The following MACF1 variants were observed in gnomAD, a reference collection of about 807,000 sequenced individuals.
The protein encoded by MACF1 is microtubule-actin cross-linking factor 1.
MACF1 carries 193 observed loss-of-function variants against 854.8 expected under a neutral mutation model. The observed-to-expected ratio is 0.23, with a 90% CI of 0.20 to 0.25. MACF1 has a LOEUF of 0.25. Ranked by LOEUF, MACF1 falls within the 10% of genes least tolerant of loss-of-function variation. The probability of loss-of-function intolerance (pLI) is 1.00; values close to 1 mark genes in which losing one functional copy is unlikely to be tolerated. For missense variants in MACF1, 7,722 were observed against 8,929.1 expected (o/e 0.86, Z 5.45); for synonymous variants, 3,185 against 3,226.7 (o/e 0.99, Z 0.44).
At chr1:39,470,522 T>C (rs916215248) in intron 97 of MACF1, among the ~76,000 whole-genome samples, 8 of 152,194 alleles carry the variant, frequency 5.3e-5, no homozygotes, top group African/African-American at 1.9e-4. Context: ...TACACACCTG[T>C]GTAGTCCTAA....
Position 39,441,107 on chromosome 1 carries a change from G to A in MACF1, c.18552G>A (p.Val6184=), listed in dbSNP as rs1312663635. Residue 6184 remains valine (V), a synonymous_variant, in exon 73 of 101, where the codon GTG becomes GTA. Transcript: ENST00000564288. ...FACGETEKPE[V]RKSIDEMNNA... ...GTGGAGAAACTGAGAAGCCTGAAGT[G>A]AGGAAGAGCATTGATGAGGTGTGGA... The A allele has an allele frequency of 6.2e-7, 1 of 1,614,226 alleles. No homozygotes were observed. The highest frequency in any genetic ancestry group is 1.7e-5 in the Admixed American group (1 of 60,020).
At chr1:39,201,020 G>C (rs1337464654), upstream of MACF1, among the ~76,000 whole-genome samples, 3 of 152,168 alleles carry the variant, frequency 2.0e-5, no homozygotes, top group African/African-American at 7.2e-5. Context: ...GACAGCCACA[G>C]CCACCAATGA....
intron 58 of MACF1, chr1:39,410,564 A>T: frequency 6.2e-7 from 1 of 1,614,048 alleles, no homozygotes; most frequent in Non-Finnish European, 8.5e-7. Flanking sequence ...ATAATATTTG[A>T]TGCACTAAAG....
chr1:39,382,871 A>G (rs1263518129), intron 56 of MACF1, among the ~76,000 whole-genome samples: 1 of 152,094 alleles, frequency 6.6e-6, no homozygotes, highest in Non-Finnish European at 1.5e-5. Flanking sequence ...CTATAATCCT[A>G]GCACTTTGGG....
chr1:39,382,235 C>G lies in MACF1; in HGVS notation c.13848+83C>G. 4 of 1,288,046 alleles carry G rather than the reference C, an allele frequency of 3.1e-6. No individual in the cohort carries two copies. In the South Asian group the frequency reaches 5.2e-5, roughly 17 times the overall value. 79.8% of individuals were successfully genotyped at this position (1,288,046 alleles called of 1,614,324 possible). Reference sequence around the variant, plus strand: ...TCCCAGTAAGTAGATTTCATGTGATCCTGGACAAGTCATTTAATCTCTCAG... The same window carrying G: ...TCCCAGTAAGTAGATTTCATGTGATGCTGGACAAGTCATTTAATCTCTCAG... On this transcript the variant is annotated intron_variant, in intron 56 of 100. Coordinates refer to ENST00000564288, the MANE Select transcript of MACF1 (RefSeq NM_001394062.1).
At chr1:39,259,629 T>C (rs1645136164) in intron 6 of MACF1, among the ~76,000 whole-genome samples, 1 of 152,034 alleles carries the variant, frequency 6.6e-6, no homozygotes, top group Non-Finnish European at 1.5e-5. Context: ...TTCTTTCTTT[T>C]TTTGTTTTTT....
In MACF1 at chr1:39,380,377, A is replaced by G. The variant is rs755437922; in HGVS notation, c.13648+4A>G. On this transcript the variant is annotated splice_donor_region_variant and intron_variant, in intron 55 of 100. Coordinates refer to ENST00000564288, the MANE Select transcript of MACF1 (RefSeq NM_001394062.1). ...AAGAAAATTCAGGAAGAACTCAGTA[A>G]GTTTTCACAAGAGTGTTACAAATTT... 1.2e-6 allele frequency: 2 copies of G among 1,610,814 alleles called. No individual in the cohort carries two copies. Among genetic ancestry groups the G allele is most frequent in the Non-Finnish European group, 1.7e-6 (2 of 1,178,898 alleles).
At position 39,388,364 on chromosome 1, in the gene MACF1, A is replaced by G; in HGVS notation, c.15522A>G (p.Leu5174=). Residue 5174 remains leucine (L), a synonymous_variant, in exon 58 of 101, where the codon TTA becomes TTG. Transcript: ENST00000564288. ...LFLNKIHVLK[L]DIEASEAECR... ...TTAACAAAATTCACGTCCTCAAATT[A>G]GACATAGAGGCCTCTGAAGCAGAGT... 6.2e-7 allele frequency: 1 copy of G among 1,614,142 alleles called. No individual in the cohort carries two copies. The highest frequency in any genetic ancestry group is 1.3e-5 in the African/African-American group (1 of 75,042).
intron 2 of MACF1, among the ~76,000 whole-genome samples, chr1:39,108,502 G>A (rs1642305645): frequency 6.7e-6 from 1 of 150,126 alleles, no homozygotes. Context: ...GGTGACATGA[G>A]AGGGTTTTTT....
Position 39,297,681 on chromosome 1 carries a change from G to T in MACF1, c.2417G>T (p.Arg806Leu). Reference sequence around the variant, plus strand: ...AGGAACCTCCAAGATTCCATTAAACGAAAATATTCCTGTGACCACAACACC... The same window carrying T: ...AGGAACCTCCAAGATTCCATTAAACTAAAATATTCCTGTGACCACAACACC... ...FLRNLQDSIK[R>L]KYSCDHNTSL... Residue 806 changes from arginine to leucine, a missense_variant, in exon 21 of 101, where the codon CGA becomes CTA. Arg to Leu is a moderately radical substitution (Grantham distance 102, BLOSUM62 -2). This residue lies in a region of MACF1 where 1,137 missense variants were observed against 1,263.0 expected (regional missense o/e 0.90). Transcript: ENST00000564288. 6.2e-7 allele frequency: 1 copy of T among 1,614,142 alleles called. No homozygotes were observed. The highest frequency in any genetic ancestry group is 8.5e-7 in the Non-Finnish European group (1 of 1,180,022).
chr1:39,154,981 G>A (rs1643654747), intron 2 of MACF1, among the ~76,000 whole-genome samples: 1 of 152,132 alleles, frequency 6.6e-6, no homozygotes, highest in South Asian at 2.1e-4. Context: ...TGGAACTTAG[G>A]GCAGAATCTC....
At chr1:39,425,341 G>C (rs1415254661) in intron 61 of MACF1, among the ~76,000 whole-genome samples, 1 of 151,818 alleles carries the variant, frequency 6.6e-6, no homozygotes, top group Non-Finnish European at 1.5e-5. Context: ...ACTAACCCTG[G>C]GGCCTTCCCC....
chr1:39,451,234 A>C (rs1025260559), intron 85 of MACF1, 23 bp downstream of exon 85: 1 of 1,607,564 alleles, frequency 6.2e-7, no homozygotes, highest in African/African-American at 1.3e-5. Context: ...TCTGGGCTAC[A>C]TTGGAGTGCA....
intron 26 of MACF1, among the ~76,000 whole-genome samples, chr1:39,312,749 C>A (rs545837651): frequency 2.6e-5 from 4 of 151,594 alleles, no homozygotes; most frequent in Admixed American, 6.6e-5. Flanking sequence ...CACTTGAACC[C>A]GGGAGGTGGA....
At chr1:39,368,002 T>A in intron 49 of MACF1, 146 bp from the exon 50 acceptor site, 2 of 560,830 alleles carry the variant, frequency 3.6e-6, no homozygotes, top group Non-Finnish European at 2.8e-6. Flanking sequence ...AATGTTTGTT[T>A]GTTTTTTTTA....
intron 2 of MACF1, among the ~76,000 whole-genome samples, chr1:39,173,948 G>A (rs1340432682): frequency 6.6e-6 from 1 of 151,524 alleles, no homozygotes; most frequent in Non-Finnish European, 1.5e-5. Context: ...TTCTTAAGCT[G>A]TTGTGGGAAG....
chr1:39,286,103 TC>T (rs1428442015), intron 14 of MACF1, among the ~76,000 whole-genome samples: 4 of 152,142 alleles, frequency 2.6e-5, no homozygotes, highest in Non-Finnish European at 4.4e-5. Flanking sequence ...AGCCTCGACT[TC>T]CTGGGCTCAA....
At chr1:39,416,522 A>G (rs368131688) in intron 58 of MACF1, among the ~76,000 whole-genome samples, 9 of 152,150 alleles carry the variant, frequency 5.9e-5, no homozygotes, top group Admixed American at 3.9e-4. Context: ...TATCTCCAGT[A>G]TAAAGCTTAT....
At position 39,293,601 on chromosome 1, in the gene MACF1, C is replaced by T; in HGVS notation, c.2136C>T (p.Ala712=). 6.2e-7 allele frequency: 1 copy of T among 1,612,974 alleles called. No individual in the cohort carries two copies. The highest frequency in any genetic ancestry group is 8.5e-7 in the Non-Finnish European group (1 of 1,179,380). ...GTGACAACAATTCCAATATCTCAGC[C>T]AAGAGAAATTACTTCTCTGTGAGTC... ...DWSDNNSNIS[A]KRNYFSELTM... The change falls in exon 18 of 101, where the codon GCC becomes GCT. Residue 712 remains alanine (A), a synonymous_variant. Transcript: ENST00000564288.
Sources: allele counts gnomAD v4.1 joint callset (sites outside exome capture counted in the v4.1 genomes callset), GRCh38; gene constraint gnomAD v4.1.1; regional missense constraint gnomAD v4.1.1; transcripts MANE v1.5; gene names NCBI Gene and HGNC (gene_info 2026-07-23, HGNC 2026-07-21).